OSBPL6: variants seen among roughly 807,000 people sequenced by gnomAD.
The protein encoded by OSBPL6 is oxysterol-binding protein-related protein 6.
OSBPL6 carries 49 observed loss-of-function variants against 125.8 expected under a neutral mutation model. The observed-to-expected ratio is 0.39, with a 90% confidence interval of 0.31 to 0.49. OSBPL6 has a LOEUF of 0.49. Ranked by LOEUF, OSBPL6 falls within the 20% of genes least tolerant of loss-of-function variation. The pLI is 0.88. For synonymous variants in OSBPL6, 394 were observed against 391.8 expected, an observed-to-expected ratio of 1.01 and a Z score of -0.07; for missense variants, 986 against 1,135.4, an observed-to-expected ratio of 0.87 and a Z score of 1.89.
chr2:178,380,464 A>C, intron 15 of OSBPL6, among the ~76,000 whole-genome samples: 1 of 141,530 alleles, frequency 7.1e-6, no homozygotes, highest in African/African-American at 2.5e-5. Context: ...CTCAAAAAAA[A>C]AAAAAAAAAA....
intron 1 of OSBPL6, among the ~76,000 whole-genome samples, chr2:178,231,185 G>A (rs112453952): frequency 4.6e-5 from 7 of 152,120 alleles, no homozygotes; most frequent in Non-Finnish European, 8.8e-5. Flanking sequence ...CTTGAGCAGC[G>A]GTGTCTGATT....
At chr2:178,313,415 A>C (rs1687463872) in intron 3 of OSBPL6, among the ~76,000 whole-genome samples, 1 of 152,150 alleles carries the variant, frequency 6.6e-6, no homozygotes, top group Non-Finnish European at 1.5e-5. Context: ...AGGTGATAGC[A>C]TCTGTTATGG....
intron 15 of OSBPL6, among the ~76,000 whole-genome samples, chr2:178,375,594 G>T (rs1309615958): frequency 6.6e-6 from 1 of 151,530 alleles, no homozygotes; most frequent in Non-Finnish European, 1.5e-5. Context: ...TGCTAATTTT[G>T]TTTTTTTTAG....
At chr2:178,325,659 G>A (rs990201323) in intron 4 of OSBPL6, among the ~76,000 whole-genome samples, 9 of 152,166 alleles carry the variant, frequency 5.9e-5, no homozygotes, top group Non-Finnish European at 1.2e-4. Context: ...CCTACTTTAC[G>A]CCAGGCACTG....
At position 178,400,913 on chromosome 2, in the gene OSBPL6, G is replaced by A. The variant is rs1179678348; in HGVS notation, c.*5354G>A. Reference sequence around the variant, plus strand: ...AGTATCCGCCATCAAGTAGTAACATGTTGTAACAGAAAGAATCCCATTAAG... The same window carrying A: ...AGTATCCGCCATCAAGTAGTAACATATTGTAACAGAAAGAATCCCATTAAG... On this transcript the variant is annotated 3_prime_UTR_variant, in exon 25 of 25. Coordinates refer to ENST00000190611, the MANE Select transcript of OSBPL6 (RefSeq NM_032523.4). 1 of 152,164 alleles carries A rather than the reference G, an allele frequency of 6.6e-6. No homozygotes were observed. Among genetic ancestry groups the A allele is most frequent in the Non-Finnish European group, 1.5e-5 (1 of 68,026 alleles). The allele number at this position is 152,164 out of a possible 1,614,324, so 9.4% of individuals were successfully genotyped here.
intron 11 of OSBPL6, 90 bp downstream of exon 11, chr2:178,339,854 G>C: frequency 3.6e-6 from 3 of 831,060 alleles, no homozygotes; most frequent in Non-Finnish European, 5.2e-6. Context: ...TAGATTGAAA[G>C]GGCAACTTAA....
At chr2:178,379,407 G>A (rs1367579011) in intron 15 of OSBPL6, among the ~76,000 whole-genome samples, 1 of 139,320 alleles carries the variant, frequency 7.2e-6, no homozygotes, top group Non-Finnish European at 1.6e-5. Flanking sequence ...GGGAGGGAGG[G>A]AAAGAAAGAG....
At chr2:178,306,627 C>T (rs935882853) in intron 3 of OSBPL6, among the ~76,000 whole-genome samples, 1 of 152,158 alleles carries the variant, frequency 6.6e-6, no homozygotes, top group African/African-American at 2.4e-5. Context: ...ACTGTGAACC[C>T]TGCAAAGGAC....
chr2:178,344,075 C>T (rs1488637229), intron 11 of OSBPL6, among the ~76,000 whole-genome samples: 3 of 152,138 alleles, frequency 2.0e-5, no homozygotes, highest in African/African-American at 7.2e-5. Flanking sequence ...TTATAGTCAG[C>T]AAATAGAATT....
intron 11 of OSBPL6, 147 bp downstream of exon 11, chr2:178,339,911 G>A: frequency 2.1e-6 from 1 of 473,102 alleles, no homozygotes. Flanking sequence ...ATCTAAAATA[G>A]TGGAAAATCT....
At chr2:178,206,008 A>G (rs904626714) in intron 1 of OSBPL6, among the ~76,000 whole-genome samples, 6 of 152,228 alleles carry the variant, frequency 3.9e-5, no homozygotes, top group Non-Finnish European at 7.3e-5. Flanking sequence ...TTGAATTAGT[A>G]AGTAACCTTC....
intron 13 of OSBPL6, among the ~76,000 whole-genome samples, chr2:178,371,322 A>G (rs1225800825): frequency 6.6e-6 from 1 of 152,196 alleles, no homozygotes; most frequent in Non-Finnish European, 1.5e-5. Flanking sequence ...CTTTGTCAAT[A>G]GGGTCCTTGT....
chr2:178,205,121 AG>A (rs1430712329), intron 1 of OSBPL6, among the ~76,000 whole-genome samples: 1 of 152,186 alleles, frequency 6.6e-6, no homozygotes, highest in African/African-American at 2.4e-5. Context: ...TTTCAAACCC[AG>A]TTTCCTGTAG....
intron 1 of OSBPL6, among the ~76,000 whole-genome samples, chr2:178,203,105 CTA>C (rs2089342927): frequency 6.6e-6 from 1 of 152,120 alleles, no homozygotes; most frequent in African/African-American, 2.4e-5. Flanking sequence ...CTCACTGAGG[CTA>C]TGTTCATTTT....
At chr2:178,314,045 C>T (rs1687525928) in intron 3 of OSBPL6, among the ~76,000 whole-genome samples, 1 of 152,200 alleles carries the variant, frequency 6.6e-6, no homozygotes, top group South Asian at 2.1e-4. Context: ...AAAGATCCCC[C>T]AGCATATACG....
At chr2:178,358,910 G>T (rs1692066510) in intron 12 of OSBPL6, among the ~76,000 whole-genome samples, 1 of 152,064 alleles carries the variant, frequency 6.6e-6, no homozygotes, top group African/African-American at 2.4e-5. Context: ...GATGTATAAA[G>T]AACTCATACA....
intron 15 of OSBPL6, among the ~76,000 whole-genome samples, chr2:178,381,516 G>T (rs1007314490): frequency 6.6e-6 from 1 of 152,110 alleles, no homozygotes; most frequent in Non-Finnish European, 1.5e-5. Context: ...ACCACACCCG[G>T]CTAATTTTTT....
intron 1 of OSBPL6, among the ~76,000 whole-genome samples, chr2:178,223,583 C>T (rs979569064): frequency 2.6e-5 from 4 of 152,124 alleles, no homozygotes; most frequent in Non-Finnish European, 5.9e-5. Context: ...TTTCCCAGGC[C>T]CTTCAGTTTA....
intron 1 of OSBPL6, among the ~76,000 whole-genome samples, chr2:178,201,468 C>T (rs2089255033): frequency 6.6e-6 from 1 of 152,206 alleles, no homozygotes; most frequent in Non-Finnish European, 1.5e-5. Context: ...TCATGGTGCA[C>T]TACAGCCTCC....
Sources: allele counts gnomAD v4.1 joint callset (sites outside exome capture counted in the v4.1 genomes callset), GRCh38; gene constraint gnomAD v4.1.1; transcripts MANE v1.5; gene names NCBI Gene and HGNC (gene_info 2026-07-23, HGNC 2026-07-21).